Variants in TAB3 observed in about 807,000 individuals in gnomAD.
TAB3 encodes TGF-beta activated kinase 1 (MAP3K7) binding protein 3.
In TAB3, 18 loss-of-function variants were observed where a neutral mutation model predicts 48.1. The observed-to-expected ratio is 0.37, with a 90% CI of 0.26 to 0.55. The LOEUF (loss-of-function observed/expected upper bound fraction) is 0.55, where lower values mean the gene tolerates loss of function less well. Among genes scored for constraint, TAB3 ranks in the 20% least tolerant of loss-of-function variants. The pLI, the probability that TAB3 is intolerant of heterozygous loss-of-function variation, is 0.78. For synonymous variants in TAB3, 185 were observed against 190.2 expected (o/e 0.97, Z 0.22); for missense variants, 414 against 549.8 (o/e 0.75, Z 2.47).
intron 6 of TAB3, among the ~76,000 whole-genome samples, chrX:30,853,706 C>T (rs1295199282): frequency 8.9e-6 from 1 of 112,549 alleles, no homozygotes; most frequent in Non-Finnish European, 1.9e-5. Context: ...ACACAGTCTC[C>T]CTCTGTTGCC....
At chrX:30,878,672 G>A (rs1939915020) in intron 1 of TAB3, among the ~76,000 whole-genome samples, 1 of 111,256 alleles carries the variant, frequency 9.0e-6, no homozygotes, top group Non-Finnish European at 1.9e-5. Context: ...CTTTTCAAGT[G>A]CTTACATATT....
chrX:30,882,310 CCAATT>C (rs766551382), intron 1 of TAB3, among the ~76,000 whole-genome samples: 159 of 112,338 alleles, frequency 1.4e-3, no homozygotes, highest in African/African-American at 4.6e-3. Context: ...ATTAAATTCT[CCAATT>C]CATTTCAATT....
intron 7 of TAB3, among the ~76,000 whole-genome samples, chrX:30,848,859 G>T (rs182569889): frequency 2.0e-4 from 22 of 109,878 alleles, no homozygotes; most frequent in African/African-American, 6.6e-4. Flanking sequence ...TTTGGTGGCT[G>T]GGACTCAGTT....
intron 7 of TAB3, among the ~76,000 whole-genome samples, chrX:30,850,039 T>A (rs887658321): frequency 8.9e-6 from 1 of 112,000 alleles, no homozygotes; most frequent in Non-Finnish European, 1.9e-5. Context: ...ATACCACACA[T>A]TTTATAGATA....
At chrX:30,841,407 T>C (rs5927628) in intron 9 of TAB3, among the ~76,000 whole-genome samples, 15,015 of 83,337 alleles carry the variant, frequency 0.18, 1,087 homozygotes, top group Middle Eastern at 0.26. Flanking sequence ...AGAGAGAGTC[T>C]CCATCTCAAA....
At chrX:30,832,308 C>T (rs1749273984) in intron 10 of TAB3, among the ~76,000 whole-genome samples, 1 of 111,773 alleles carries the variant, frequency 8.9e-6, no homozygotes, top group South Asian at 3.7e-4. Context: ...ACTTACATTC[C>T]TCTTAGGTCC....
chrX:30,852,232 C>A (rs1938878689), intron 7 of TAB3, among the ~76,000 whole-genome samples: 1 of 111,833 alleles, frequency 8.9e-6, no homozygotes. Flanking sequence ...TTCATTAGAG[C>A]AGTTCCCTTT....
At chrX:30,841,758 G>C (rs1304801967) in intron 9 of TAB3, among the ~76,000 whole-genome samples, 1 of 112,059 alleles carries the variant, frequency 8.9e-6, no homozygotes, top group East Asian at 2.8e-4. Context: ...AGGCAAAAAG[G>C]ATTAAAATAT....
At chrX:30,869,352 G>A (rs5971524) in intron 2 of TAB3, among the ~76,000 whole-genome samples, 5,360 of 111,438 alleles carry the variant, frequency 0.048, 317 homozygotes, top group African/African-American at 0.17. Context: ...GAGCCACTGC[G>A]CCCAGCCTTT....
chrX:30,838,675 T>C (rs777441848), intron 9 of TAB3, among the ~76,000 whole-genome samples: 25 of 112,497 alleles, frequency 2.2e-4, no homozygotes, highest in Admixed American at 6.6e-4. Flanking sequence ...ATCACTCCAT[T>C]TACTTAGGTC....
intron 7 of TAB3, 144 bp from the exon 8 acceptor site, chrX:30,846,788 C>A: frequency 2.6e-6 from 1 of 384,652 alleles, no homozygotes; most frequent in Non-Finnish European, 4.5e-6. Context: ...TTTAAGAAGT[C>A]CTATGTATAT....
intron 1 of TAB3, among the ~76,000 whole-genome samples, chrX:30,884,094 G>A (rs1357802586): frequency 9.0e-6 from 1 of 111,225 alleles, no homozygotes; most frequent in Non-Finnish European, 1.9e-5. Context: ...GGCCAATTGT[G>A]GATATATCCA....
intron 4 of TAB3, among the ~76,000 whole-genome samples, chrX:30,862,406 A>C (rs753504478): frequency 4.2e-4 from 47 of 112,037 alleles, no homozygotes; most frequent in African/African-American, 1.5e-3. Context: ...TTCCAACCTT[A>C]ATTACAAGCC....
intron 9 of TAB3, 44 bp downstream of exon 9, chrX:30,842,922 T>C (rs755334746): frequency 1.2e-6 from 1 of 849,121 alleles, no homozygotes; most frequent in Admixed American, 3.2e-5. Context: ...CCAAATTATT[T>C]TGACATTTAT....
intron 4 of TAB3, among the ~76,000 whole-genome samples, chrX:30,866,250 C>T (rs964987214): frequency 1.8e-5 from 2 of 111,526 alleles, no homozygotes; most frequent in East Asian, 2.8e-4. Flanking sequence ...TTAGCTGCCA[C>T]ATTAAAATTA....
At chrX:30,844,788 T>C (rs1464592291) in intron 8 of TAB3, 2 of 112,269 alleles carry the variant, frequency 1.8e-5, no homozygotes, top group Non-Finnish European at 3.8e-5. Flanking sequence ...GATAATGCCG[T>C]GTCTTTTGGG....
chrX:30,833,501 G>C (rs1241981349), intron 10 of TAB3, among the ~76,000 whole-genome samples: 2 of 110,823 alleles, frequency 1.8e-5, no homozygotes, highest in Non-Finnish European at 3.8e-5. Context: ...ATTTCATATT[G>C]AAATAATATT....
chrX:30,830,119 G>T lies in TAB3; in HGVS notation c.*1308C>A, dbSNP rs934781893. 9.0e-6 allele frequency: 1 copy of T among 111,411 alleles called. No individual in the cohort carries two copies. The highest frequency in any genetic ancestry group is 3.3e-5 in the African/African-American group (1 of 30,642). 9.2% of individuals were successfully genotyped at this position (111,411 alleles called of 1,213,427 possible). A position where few individuals can be genotyped will look rare whatever the true frequency, so the allele number is the denominator to read the frequency against. ...TTATATCTCTTATCCGCACCCTGAA[G>T]TTCTATTTCATAAATAAGGAGTGCT... is the stretch of plus-strand genomic sequence containing the variant. On this transcript the variant is annotated 3_prime_UTR_variant, in exon 11 of 11. Transcript: ENST00000288422.
intron 1 of TAB3, among the ~76,000 whole-genome samples, chrX:30,877,313 C>G (rs1939870500): frequency 8.9e-6 from 1 of 112,029 alleles, no homozygotes; most frequent in East Asian, 2.8e-4. Flanking sequence ...CCAGCAAACC[C>G]TCACTAAGAA....
Sources: gnomAD v4.1 joint callset for allele counts (sites outside exome capture counted in the v4.1 genomes callset) on GRCh38, gnomAD v4.1.1 for gene constraint, MANE v1.5 for transcripts, NCBI Gene and HGNC (gene_info 2026-07-23, HGNC 2026-07-21) for gene names.